The following LILRB3 variants were observed in gnomAD, a reference collection of about 807,000 sequenced individuals.
LILRB3 encodes leukocyte immunoglobulin like receptor B3, also known as leukocyte immunoglobulin-like receptor subfamily B member 3.
In LILRB3, 32 loss-of-function variants were observed where a neutral mutation model predicts 68.2. That is an observed-to-expected ratio of 0.47 (90% CI 0.35 to 0.63). The LOEUF is 0.63. Ranked by LOEUF, LILRB3 falls within the 30% of genes least tolerant of loss-of-function variation. LILRB3 has a pLI of 0.00. For synonymous variants in LILRB3, 185 were observed against 323.1 expected, an observed-to-expected ratio of 0.57 and a Z score of 4.58; for missense variants, 502 against 791.3, an observed-to-expected ratio of 0.63 and a Z score of 4.39.
At chr19:54,216,820 G>C in exon 13 of LILRB3, 3 of 1,344,686 alleles carry the variant, frequency 2.2e-6, no homozygotes, top group Non-Finnish European at 2.9e-6. Flanking sequence ...AGCCTCCTGA[G>C]TACCACACCC....
chr19:54,219,392 A>C, intron 7 of LILRB3, 147 bp from the exon 8 acceptor site: 1 of 1,456,236 alleles, frequency 6.9e-7, no homozygotes, highest in Non-Finnish European at 9.4e-7. Context: ...AACCCATTTC[A>C]CAGATGCACA....
rs1298205441 is a variant in LILRB3, at chr19:54,221,972, G to A, written c.514C>T (p.Leu172Phe). Reference sequence around the variant, plus strand: ...AGGGCCTGGAACCCCCCACTGTGGAGCTGCTGTGAGTCCAGGGTCCGGGGG... The same window carrying A: ...AGGGCCTGGAACCCCCCACTGTGGAACTGCTGTGAGTCCAGGGTCCGGGGG... Residue 172 changes from leucine (L) to phenylalanine (F), a missense_variant, in exon 4 of 13, where the codon CTC becomes TTC. Physicochemically the swap from Leu to Phe is conservative, Grantham distance 22. Coordinates refer to ENST00000445347, the Ensembl canonical transcript of LILRB3. 2 of 1,608,360 alleles carry A rather than the reference G, an allele frequency of 1.2e-6. No individual in the cohort carries two copies. The highest frequency in any genetic ancestry group is 2.3e-5 in the East Asian group (1 of 44,406).
exon 13 of LILRB3, chr19:54,217,113 C>T (rs761314590): frequency 3.7e-6 from 6 of 1,614,142 alleles, no homozygotes; most frequent in Admixed American, 1.7e-5. Flanking sequence ...GCCAGAGTGG[C>T]GTAGATGCTG....
chr19:54,218,569 C>T, intron 10 of LILRB3, 76 bp downstream of exon 10: 2 of 1,609,740 alleles, frequency 1.2e-6, no homozygotes, highest in African/African-American at 1.3e-5. Context: ...CCCTTCCCAG[C>T]CCCTCCCTGT....
At chr19:54,222,977 G>A (rs755738143) in exon 1 of LILRB3, 1 of 1,612,246 alleles carries the variant, frequency 6.2e-7, no homozygotes, top group Non-Finnish European at 8.5e-7. Flanking sequence ...CGGGCGTCAT[G>A]GCGTCTCCTC....
chr19:54,219,409 G>A, intron 7 of LILRB3, 164 bp from the exon 8 acceptor site: 6 of 1,474,316 alleles, frequency 4.1e-6, no homozygotes, highest in Non-Finnish European at 5.6e-6. Flanking sequence ...CACAAACTGA[G>A]GCTCAGAGCA....
At chr19:54,219,278 G>A in intron 7 of LILRB3, 33 bp from the exon 8 acceptor site, 1 of 1,521,302 alleles carries the variant, frequency 6.6e-7, no homozygotes, top group Non-Finnish European at 8.8e-7. Context: ...TGGGAATGAT[G>A]TCATTGATGT....
chr19:54,217,554 G>A (rs1458379169), intron 11 of LILRB3, 80 bp from the exon 12 acceptor site: 11 of 1,503,350 alleles, frequency 7.3e-6, no homozygotes, highest in Non-Finnish European at 9.9e-6. Context: ...CTGTTCCCGG[G>A]GTGATCCGAT....
chr19:54,221,883 T>C (rs1052971), exon 4 of LILRB3: 29,944 of 1,439,584 alleles, frequency 0.021, 6,102 homozygotes, highest in African/African-American at 0.071. Flanking sequence ...AGGGGGTGTT[T>C]GTATAATAGT....
chr19:54,218,338 C>A, intron 11 of LILRB3, 23 bp downstream of exon 11: 1 of 1,613,702 alleles, frequency 6.2e-7, no homozygotes, highest in Non-Finnish European at 8.5e-7. Flanking sequence ...GCCTTTGGTG[C>A]CTGGGACGGG....
At chr19:54,220,417 G>C in intron 6 of LILRB3, 111 bp downstream of exon 6, 1 of 1,166,236 alleles carries the variant, frequency 8.6e-7, no homozygotes, top group East Asian at 3.4e-5. Context: ...GTGCCCTCTG[G>C]CTAAGCCTCC....
exon 8 of LILRB3, chr19:54,219,214 C>T: frequency 6.3e-7 from 1 of 1,599,370 alleles, no homozygotes; most frequent in Non-Finnish European, 8.5e-7. Flanking sequence ...CCACCGAGAC[C>T]CCAATCAAAA....
rs1223058781 is a variant in LILRB3 at position 54,222,133 on chromosome 19, A to G, written c.356-3T>C. ...GAGGGTGGGTTTGTTGTAGAATCCT[A>G]GGAGAGAAAGAGGCACCGTGTTAAA... On this transcript the variant is annotated splice_region_variant and splice_polypyrimidine_tract_variant and intron_variant, in intron 3 of 12. Coordinates refer to ENST00000445347, the Ensembl canonical transcript of LILRB3. 4.2e-5 allele frequency: 67 copies of G among 1,607,178 alleles called. 1 individual carries two copies. The highest frequency in any genetic ancestry group is 4.1e-5 in the Non-Finnish European group (48 of 1,178,702).
chr19:54,222,982 C>A, exon 1 of LILRB3: 1 of 1,612,402 alleles, frequency 6.2e-7, no homozygotes, highest in South Asian at 1.1e-5. Context: ...GTCATGGCGT[C>A]TCCTCCCGGT....
intron 7 of LILRB3, 168 bp downstream of exon 7, chr19:54,219,987 T>TA (rs202080514): frequency 0.18 from 221,220 of 1,244,304 alleles, 61,038 homozygotes; most frequent in African/African-American, 0.24. Context: ...CTCCTCCTCC[T>TA]GGCTGGGCCC....
exon 9 of LILRB3, chr19:54,218,778 C>A (rs1207718126): frequency 1.1e-5 from 18 of 1,614,032 alleles, no homozygotes; most frequent in Non-Finnish European, 1.5e-5. Context: ...CAGCAGGCCC[C>A]TGTCCTTGGG....
intron 10 of LILRB3, 67 bp downstream of exon 10, chr19:54,218,578 G>A (rs1568946633): frequency 2.5e-6 from 4 of 1,612,518 alleles, no homozygotes; most frequent in Non-Finnish European, 3.4e-6. Flanking sequence ...GCCCCTCCCT[G>A]TTGCTACTGA....
At position 54,218,630 on chromosome 19, in the gene LILRB3, C is replaced by T; in HGVS notation, c.1540+15G>A. The T allele has an allele frequency of 1.2e-6, 2 of 1,614,186 alleles. No individual in the cohort carries two copies. Among genetic ancestry groups the T allele is most frequent in the Non-Finnish European group, 1.7e-6 (2 of 1,180,044 alleles). On this transcript the variant is annotated intron_variant, in intron 10 of 12. Coordinates refer to ENST00000445347, the Ensembl canonical transcript of LILRB3. ...TCTCTCCAGCACCCCCATTTGTCCCCTCTCTTCCTCTTACAGAGGTTTTCT... is the reference window on the plus strand; with the variant it reads ...TCTCTCCAGCACCCCCATTTGTCCCTTCTCTTCCTCTTACAGAGGTTTTCT...
At chr19:54,218,552 C>G in intron 10 of LILRB3, 93 bp downstream of exon 10, 1 of 1,606,982 alleles carries the variant, frequency 6.2e-7, no homozygotes, top group South Asian at 1.1e-5. Context: ...TTCCACGGAG[C>G]CCCAGACCCT....
Sources: gnomAD v4.1 joint callset for allele counts on GRCh38, gnomAD v4.1.1 for gene constraint, MANE v1.5 for transcripts, NCBI Gene and HGNC (gene_info 2026-07-23, HGNC 2026-07-21) for gene names.